The following ITGB5 variants were observed in gnomAD, a reference collection of about 807,000 sequenced individuals.
The protein encoded by ITGB5 is integrin beta-5.
ITGB5 carries 38 observed loss-of-function variants against 84.8 expected under a neutral mutation model. The observed-to-expected ratio is 0.45, with a 90% CI of 0.35 to 0.59. ITGB5 has a LOEUF of 0.59. Among genes scored for constraint, ITGB5 ranks in the 20% least tolerant of loss-of-function variants. The pLI is 0.01. For missense variants in ITGB5, 905 were observed against 1,034.5 expected (o/e 0.87, Z 1.72); for synonymous variants, 393 against 414.4 (o/e 0.95, Z 0.63).
intron 10 of ITGB5, among the ~76,000 whole-genome samples, chr3:124,778,348 C>T (rs1045020350): frequency 1.3e-5 from 2 of 152,218 alleles, no homozygotes; most frequent in Non-Finnish European, 1.5e-5. Context: ...AGCAAAAGTG[C>T]TTGTGTGGGC....
At chr3:124,786,487 C>T (rs745541562) in intron 10 of ITGB5, among the ~76,000 whole-genome samples, 15 of 152,062 alleles carry the variant, frequency 9.9e-5, no homozygotes, top group Non-Finnish European at 1.5e-4. Flanking sequence ...AATAACATAC[C>T]AACCTGGGTT....
intron 2 of ITGB5, among the ~76,000 whole-genome samples, chr3:124,865,437 G>A (rs1455076301): frequency 1.3e-5 from 2 of 148,744 alleles, no homozygotes; most frequent in Non-Finnish European, 3.0e-5. Context: ...GGGAAAAGCA[G>A]CAGAATGGCA....
At chr3:124,873,563 T>C (rs772340213) in intron 1 of ITGB5, 32 bp from the exon 2 acceptor site, 1 of 1,488,294 alleles carries the variant, frequency 6.7e-7, no homozygotes, top group Non-Finnish European at 9.4e-7. Context: ...CACTAATTAG[T>C]TCCTGGCTAT....
At position 124,821,143 on chromosome 3, in the gene ITGB5, G is replaced by A. The variant is rs377088524; in HGVS notation, c.942+170C>T. On this transcript the variant is annotated intron_variant, in intron 6 of 14. Transcript: ENST00000296181. Reference sequence around the variant, plus strand: ...TGTTGTAAGTCAATTAGGAGTTCCGGAAACCCAGTTGGAGAAGACTGAATA... The same window carrying A: ...TGTTGTAAGTCAATTAGGAGTTCCGAAAACCCAGTTGGAGAAGACTGAATA... Among the ~76,000 whole-genome samples, 4 of 152,212 alleles carry A rather than the reference G, an allele frequency of 2.6e-5. No individual in the cohort carries two copies. In the East Asian group the frequency reaches 7.7e-4, roughly 29 times the overall value.
chr3:124,830,942 C>T (rs1262728364), intron 5 of ITGB5, among the ~76,000 whole-genome samples: 2 of 152,158 alleles, frequency 1.3e-5, no homozygotes, highest in Admixed American at 1.3e-4. Flanking sequence ...TGAGATCACA[C>T]CACTGAACTC....
chr3:124,884,224 G>GA (rs34509849), intron 1 of ITGB5, among the ~76,000 whole-genome samples: 19 of 145,508 alleles, frequency 1.3e-4, no homozygotes, highest in African/African-American at 3.3e-4. Flanking sequence ...AAAAAAAAAA[G>GA]AAAAAAAAAA....
At chr3:124,853,916 T>G (rs529009166) in intron 3 of ITGB5, among the ~76,000 whole-genome samples, 1 of 152,336 alleles carries the variant, frequency 6.6e-6, no homozygotes, top group East Asian at 1.9e-4. Flanking sequence ...TTTTAAGAGG[T>G]TAAAGGACTG....
chr3:124,803,919 C>T (rs1349418893), intron 9 of ITGB5, among the ~76,000 whole-genome samples: 1 of 152,230 alleles, frequency 6.6e-6, no homozygotes, highest in African/African-American at 2.4e-5. Flanking sequence ...CTTTGTGCCT[C>T]AGTCTTCCCC....
At chr3:124,769,189 G>A (rs1049019046) in intron 11 of ITGB5, 76 bp from the exon 12 acceptor site, 2 of 1,148,010 alleles carry the variant, frequency 1.7e-6, no homozygotes, top group Admixed American at 3.7e-5. Flanking sequence ...GCTCCTGACA[G>A]TGCAGGACCT....
At chr3:124,819,112 G>A (rs1289662954) in intron 7 of ITGB5, among the ~76,000 whole-genome samples, 1 of 152,202 alleles carries the variant, frequency 6.6e-6, no homozygotes, top group East Asian at 1.9e-4. Flanking sequence ...CCCAGGAACA[G>A]TTTCTTTAGA....
At chr3:124,797,973 G>C (rs2107519668) in intron 9 of ITGB5, among the ~76,000 whole-genome samples, 1 of 151,128 alleles carries the variant, frequency 6.6e-6, no homozygotes, top group East Asian at 2.0e-4. Context: ...AGGCTCCTCA[G>C]ATCATTCTGA....
intron 10 of ITGB5, among the ~76,000 whole-genome samples, chr3:124,778,785 T>G (rs147653375): frequency 6.6e-6 from 1 of 152,286 alleles, no homozygotes; most frequent in African/African-American, 2.4e-5. Context: ...TGGCAAACTC[T>G]GAAGAGATCA....
chr3:124,822,370 G>C (rs2064719967), intron 5 of ITGB5, among the ~76,000 whole-genome samples: 1 of 152,226 alleles, frequency 6.6e-6, no homozygotes, highest in Admixed American at 6.5e-5. Flanking sequence ...AAACACTGCT[G>C]AGAGTCTTCT....
rs1315688784 is a variant in ITGB5, at chr3:124,773,758, C to T, written c.1848G>A (p.Thr616=). 5.0e-6 allele frequency: 8 copies of T among 1,613,076 alleles called. No homozygotes were observed. The highest frequency in any genetic ancestry group is 2.2e-5 in the East Asian group (1 of 44,900). ...GHCLCGQCQC[T]EPGAFGEMCE... ...ACATCTCCCCAAAGGCCCCCGGCTC[C>T]GTGCATTGGCACTGCCCACAGAGAC... Residue 616 remains threonine (T), a synonymous_variant, in exon 11 of 15, where the codon ACG becomes ACA. Transcript: ENST00000296181.
chr3:124,882,435 T>C (rs892786291), intron 1 of ITGB5, among the ~76,000 whole-genome samples: 2 of 151,872 alleles, frequency 1.3e-5, no homozygotes, highest in Non-Finnish European at 2.9e-5. Context: ...AGAAAAAGGG[T>C]TGCAGGGTGG....
intron 3 of ITGB5, among the ~76,000 whole-genome samples, chr3:124,854,984 A>G (rs1297908460): frequency 1.3e-5 from 2 of 152,124 alleles, no homozygotes; most frequent in Non-Finnish European, 2.9e-5. Flanking sequence ...CATGGGGGGT[A>G]GGGCAAGGAA....
chr3:124,860,980 T>C (rs958436816), intron 2 of ITGB5, among the ~76,000 whole-genome samples: 2 of 152,068 alleles, frequency 1.3e-5, no homozygotes, highest in African/African-American at 4.8e-5. Context: ...GGCAGGAGGA[T>C]CATTTGGGCT....
intron 3 of ITGB5, among the ~76,000 whole-genome samples, chr3:124,854,579 T>C (rs2065197262): frequency 6.6e-6 from 1 of 151,886 alleles, no homozygotes; most frequent in Non-Finnish European, 1.5e-5. Context: ...AGTAGACGAG[T>C]GGATACCAGC....
intron 2 of ITGB5, among the ~76,000 whole-genome samples, chr3:124,870,019 A>G (rs759829105): frequency 6.6e-6 from 1 of 152,130 alleles, no homozygotes; most frequent in Non-Finnish European, 1.5e-5. Flanking sequence ...CTCATTTTAC[A>G]CTCCCAGTCA....
Sources: allele counts gnomAD v4.1 joint callset (sites outside exome capture counted in the v4.1 genomes callset), GRCh38; gene constraint gnomAD v4.1.1; transcripts MANE v1.5; gene names NCBI Gene and HGNC (gene_info 2026-07-23, HGNC 2026-07-21).